Variants in WNT7B observed in about 807,000 individuals in gnomAD.
WNT7B encodes the protein protein Wnt-7b.
A neutral mutation model predicts 38.2 loss-of-function variants in WNT7B; 19 were observed. The observed-to-expected ratio is 0.50, with a 90% CI of 0.35 to 0.73. The LOEUF (loss-of-function observed/expected upper bound fraction) is 0.73. Ranked by LOEUF, WNT7B falls within the 30% of genes least tolerant of loss-of-function variation. The probability of loss-of-function intolerance (pLI) is 0.01; values close to 1 mark genes in which losing one functional copy is unlikely to be tolerated. For synonymous variants in WNT7B, 243 were observed against 209.3 expected (o/e 1.16, Z -1.39); for missense variants, 423 against 507.9 (o/e 0.83, Z 1.61).
At position 45,931,096 on chromosome 22, in the gene WNT7B, A is replaced by T; in HGVS notation, c.570+2T>A. On this transcript the variant is annotated splice_donor_variant, in intron 3 of 3. Transcript: ENST00000339464. LOFTEE classifies it high-confidence loss of function. ...CCCCCACCAGCCGCACCCGCACCCT[A>T]CCTTCCTGCCGGCCTCATTGTTATG... 6.4e-7 allele frequency: 1 copy of T among 1,571,096 alleles called. No individual in the cohort carries two copies. The highest frequency in any genetic ancestry group is 2.3e-5 in the East Asian group (1 of 44,210).
chr22:45,923,487 GCCT>G lies in WNT7B; in HGVS notation c.571-155_571-153del, dbSNP rs935720519. The G allele has an allele frequency of 4.8e-5, 56 of 1,165,536 alleles. No homozygotes were observed. In the African/African-American group the frequency reaches 8.1e-4, roughly 17 times the overall value. 72.2% of individuals were successfully genotyped at this position (1,165,536 alleles called of 1,614,324 possible). A position where few individuals can be genotyped will look rare whatever the true frequency, so the allele number is the denominator to read the frequency against. On this transcript the variant is annotated intron_variant, in intron 3 of 3. Transcript: ENST00000339464. ...AGTGTCTCTCCCTCTCTGACCCTCA[GCCT>G]CCTCACCTATTACATGGGGCTGCTA...
chr22:45,941,029 G>A (rs1371517469), intron 2 of WNT7B, among the ~76,000 whole-genome samples: 1 of 152,188 alleles, frequency 6.6e-6, no homozygotes, highest in Non-Finnish European at 1.5e-5. Flanking sequence ...GCCCCTGGAA[G>A]GTGTCACTTT....
At chr22:45,945,899 G>A (rs1034571044) in intron 2 of WNT7B, among the ~76,000 whole-genome samples, 66 of 152,380 alleles carry the variant, frequency 4.3e-4, no homozygotes, top group African/African-American at 7.2e-5. Flanking sequence ...GGCCGCTCAC[G>A]TGAGCATGGA....
intron 1 of WNT7B, among the ~76,000 whole-genome samples, chr22:45,952,504 G>C (rs555904131): frequency 1.3e-5 from 2 of 152,376 alleles, no homozygotes; most frequent in Admixed American, 1.3e-4. Context: ...TCAGCCCAAA[G>C]TAATTGTAGA....
At position 45,950,101 on chromosome 22, in the gene WNT7B, G is replaced by A. The variant is rs1931896300; in HGVS notation, c.117C>T (p.Asn39=). Residue 39 remains asparagine, a synonymous_variant, in exon 2 of 4, where the codon AAC becomes AAT. Transcript: ENST00000339464. ...GCCGCGGGGCTAGGCCAGGAATCTT[G>A]TTGCAGATGATGTTGGCTCCCAGGG... ...VVALGANIIC[N]KIPGLAPRQR... is the part of the protein sequence containing the mutation. The A allele has an allele frequency of 1.2e-6, 2 of 1,614,062 alleles. No homozygotes were observed. Among genetic ancestry groups the A allele is most frequent in the Non-Finnish European group, 1.7e-6 (2 of 1,180,038 alleles).
At chr22:45,969,355 A>C (rs1242944443) in intron 1 of WNT7B, among the ~76,000 whole-genome samples, 1 of 152,226 alleles carries the variant, frequency 6.6e-6, no homozygotes, top group Non-Finnish European at 1.5e-5. Flanking sequence ...TGGGAGAGGA[A>C]GACTGAGAGC....
chr22:45,937,664 C>T lies in WNT7B; in HGVS notation c.299-6295G>A, dbSNP rs80070703. On this transcript the variant is annotated intron_variant, in intron 2 of 3. Coordinates refer to ENST00000339464, the MANE Select transcript of WNT7B (RefSeq NM_058238.3). The stretch of plus-strand genomic sequence containing the variant: ...ACCTGTGCTCACGGGTCTGTGCTTC[C>T]GGCCCACACAGTTCAATTCTCCTCC... Among the ~76,000 whole-genome samples, 1,024 of 152,332 alleles carry T rather than the reference C, an allele frequency of 6.7e-3. 7 individuals carry two copies. The highest frequency in any genetic ancestry group is 0.01 in the Non-Finnish European group (698 of 68,022).
intron 3 of WNT7B, among the ~76,000 whole-genome samples, chr22:45,923,567 A>G (rs112866402): frequency 0.028 from 4,223 of 152,238 alleles, 210 homozygotes; most frequent in African/African-American, 0.096. Flanking sequence ...GAGAATATTC[A>G]GGACTTGGCA....
At chr22:45,960,244 G>A (rs764241526) in intron 1 of WNT7B, among the ~76,000 whole-genome samples, 1 of 152,044 alleles carries the variant, frequency 6.6e-6, no homozygotes, top group African/African-American at 2.4e-5. Flanking sequence ...CTCCTTCCTC[G>A]CATGCTGGCC....
intron 2 of WNT7B, among the ~76,000 whole-genome samples, chr22:45,943,030 TGTGC>T (rs1174229168): frequency 2.0e-5 from 3 of 147,120 alleles, no homozygotes; most frequent in Admixed American, 6.8e-5. Context: ...TGTGTATGTG[TGTGC>T]GCGTGTGTGC....
At chr22:45,931,529 C>T (rs1931359867) in intron 2 of WNT7B, among the ~76,000 whole-genome samples, 160 bp from the exon 3 acceptor site, 1 of 152,204 alleles carries the variant, frequency 6.6e-6, no homozygotes, top group Non-Finnish European at 1.5e-5. Context: ...CAAAGCGGGG[C>T]TGATGGGAGC....
chr22:45,923,361 G>C (rs770456300), intron 3 of WNT7B, 26 bp from the exon 4 acceptor site: 21 of 1,575,038 alleles, frequency 1.3e-5, no homozygotes, highest in Non-Finnish European at 1.7e-5. Flanking sequence ...AAGCTGCTCG[G>C]CACGGCATGG....
At chr22:45,942,918 G>C (rs959725162) in intron 2 of WNT7B, among the ~76,000 whole-genome samples, 1 of 149,276 alleles carries the variant, frequency 6.7e-6, no homozygotes, top group Non-Finnish European at 1.5e-5. Context: ...TGTGCAGTGT[G>C]CACGTGTGTG....
At chr22:45,941,232 G>A (rs756376070) in intron 2 of WNT7B, among the ~76,000 whole-genome samples, 7 of 152,130 alleles carry the variant, frequency 4.6e-5, no homozygotes, top group South Asian at 2.1e-4. Flanking sequence ...CAGAAGGGCC[G>A]GGCGCGGTGG....
chr22:45,928,101 G>C (rs1354680415), intron 3 of WNT7B, among the ~76,000 whole-genome samples: 1 of 152,186 alleles, frequency 6.6e-6, no homozygotes, highest in East Asian at 1.9e-4. Context: ...CCCCAGAGCT[G>C]AGAGAGAACA....
intron 2 of WNT7B, among the ~76,000 whole-genome samples, chr22:45,942,216 C>G (rs181043788): frequency 6.6e-6 from 1 of 152,200 alleles, no homozygotes; most frequent in Non-Finnish European, 1.5e-5. Flanking sequence ...GTGTGGCACC[C>G]GTGTCCAGGC....
intron 1 of WNT7B, among the ~76,000 whole-genome samples, chr22:45,955,033 C>T (rs1016239398): frequency 6.6e-6 from 1 of 152,264 alleles, no homozygotes; most frequent in Non-Finnish European, 1.5e-5. Flanking sequence ...TGGAACATGG[C>T]CTGGAGCAGG....
intron 2 of WNT7B, among the ~76,000 whole-genome samples, chr22:45,946,509 T>G (rs1231155590): frequency 6.6e-6 from 1 of 152,164 alleles, no homozygotes; most frequent in East Asian, 1.9e-4. Context: ...AGAACACTGC[T>G]CGGCTGGGGA....
chr22:45,967,177 C>T (rs941264833), intron 1 of WNT7B, among the ~76,000 whole-genome samples: 19 of 152,238 alleles, frequency 1.2e-4, no homozygotes, highest in Non-Finnish European at 2.5e-4. Flanking sequence ...GGAGGACAAA[C>T]GGTGGTTTTG....
Sources: gnomAD v4.1 joint callset for allele counts (sites outside exome capture counted in the v4.1 genomes callset) on GRCh38, gnomAD v4.1.1 for gene constraint, MANE v1.5 for transcripts, NCBI Gene and HGNC (gene_info 2026-07-23, HGNC 2026-07-21) for gene names.